NRXN1: variants seen among roughly 807,000 people sequenced by gnomAD.
The protein encoded by NRXN1 is neurexin 1.
In NRXN1, 39 loss-of-function variants were observed where a neutral mutation model predicts 150.9. The observed-to-expected ratio is 0.26, with a 90% confidence interval of 0.20 to 0.34. NRXN1 has a LOEUF of 0.34. NRXN1 is among the 10% of genes least tolerant of loss of function. The probability of loss-of-function intolerance (pLI) is 1.00; values close to 1 mark genes in which losing one functional copy is unlikely to be tolerated. For synonymous variants in NRXN1, 924 were observed against 757.0 expected (o/e 1.22, Z -3.62); for missense variants, 1,815 against 1,949.9 (o/e 0.93, Z 1.30).
intron 18 of NRXN1, among the ~76,000 whole-genome samples, chr2:50,163,365 C>T (rs1052147938): frequency 2.6e-5 from 4 of 151,940 alleles, no homozygotes; most frequent in African/African-American, 9.7e-5. Context: ...ATTAAATTAC[C>T]CGCGCAAAAC....
intron 5 of NRXN1, among the ~76,000 whole-genome samples, chr2:50,903,479 A>G (rs889030785): frequency 6.6e-6 from 1 of 152,150 alleles, no homozygotes; most frequent in Non-Finnish European, 1.5e-5. Context: ...ATTATTATAG[A>G]AGTATTCTGG....
chr2:50,755,172 T>C (rs953252869), intron 5 of NRXN1, among the ~76,000 whole-genome samples: 6 of 151,852 alleles, frequency 4.0e-5, no homozygotes, highest in African/African-American at 7.2e-5. Flanking sequence ...TAGGGGACTG[T>C]AAACTTCATT....
intron 5 of NRXN1, among the ~76,000 whole-genome samples, chr2:50,722,370 C>T (rs577852719): frequency 7.9e-5 from 12 of 151,998 alleles, no homozygotes; most frequent in African/African-American, 2.7e-4. Context: ...GAAGTAATAG[C>T]AAATTGAAAA....
intron 18 of NRXN1, among the ~76,000 whole-genome samples, chr2:50,189,749 C>T (rs534912078): frequency 1.3e-5 from 2 of 152,132 alleles, no homozygotes; most frequent in African/African-American, 4.8e-5. Context: ...GCTTAAACAC[C>T]ACTTTACTGT....
chr2:50,563,132 A>T (rs923943485), intron 8 of NRXN1, among the ~76,000 whole-genome samples: 2 of 152,214 alleles, frequency 1.3e-5, no homozygotes, highest in African/African-American at 4.8e-5. Flanking sequence ...TTGACAAAAT[A>T]AATATACATC....
At position 49,994,512 on chromosome 2, in the gene NRXN1, C is replaced by A. The variant is rs113758339; in HGVS notation, c.4129-50721G>T. Among the ~76,000 whole-genome samples, 741 of 152,194 alleles carry A rather than the reference C, an allele frequency of 4.9e-3. 7 individuals carry two copies. Among genetic ancestry groups the A allele is most frequent in the African/African-American group, 0.017 (716 of 41,528 alleles). On this transcript the variant is annotated intron_variant, in intron 21 of 22. Transcript: ENST00000401669. ...TATTGCATTCTACACCCATGGATTC[C>A]TGAAGGTTAGAGTATATTTAAACTA...
intron 5 of NRXN1, among the ~76,000 whole-genome samples, chr2:50,723,626 G>C (rs1272513108): frequency 6.6e-6 from 1 of 152,240 alleles, no homozygotes; most frequent in African/African-American, 2.4e-5. Context: ...AAGTTACCCA[G>C]AGGGCCTGGG....
Position 50,236,772 on chromosome 2 carries a change from A to G in NRXN1, c.3546+17T>C. The stretch of plus-strand genomic sequence containing the variant: ...CAGTAAAAAGTAAAAGCTGAATCTT[A>G]TGCAAAAAGTACTTACTATATGCAG... On this transcript the variant is annotated intron_variant, in intron 18 of 22. Coordinates refer to ENST00000401669, the MANE Select transcript of NRXN1 (RefSeq NM_001330078.2). 6.2e-7 allele frequency: 1 copy of G among 1,610,336 alleles called. No individual in the cohort carries two copies. The highest frequency in any genetic ancestry group is 8.5e-7 in the Non-Finnish European group (1 of 1,177,176).
At chr2:50,567,815 A>G (rs929342382) in intron 8 of NRXN1, among the ~76,000 whole-genome samples, 1 of 152,142 alleles carries the variant, frequency 6.6e-6, no homozygotes, top group African/African-American at 2.4e-5. Context: ...CTTTTATTCA[A>G]AAATAATGAC....
chr2:50,483,236 C>A (rs2104802172), intron 15 of NRXN1, among the ~76,000 whole-genome samples: 1 of 152,132 alleles, frequency 6.6e-6, no homozygotes, highest in Non-Finnish European at 1.5e-5. Flanking sequence ...GAAAGTTACC[C>A]TATATGGCTT....
At chr2:50,216,056 T>A (rs1195965483) in intron 18 of NRXN1, among the ~76,000 whole-genome samples, 3 of 151,972 alleles carry the variant, frequency 2.0e-5, no homozygotes, top group Non-Finnish European at 4.4e-5. Flanking sequence ...TCAGAAAAGT[T>A]ATTTTTAAAA....
chr2:50,843,679 T>C (rs1050383768), intron 5 of NRXN1, among the ~76,000 whole-genome samples: 1 of 152,186 alleles, frequency 6.6e-6, no homozygotes, highest in African/African-American at 2.4e-5. Flanking sequence ...AACACACATT[T>C]ACTATTTCAT....
At chr2:50,307,860 C>G (rs1485833672) in intron 17 of NRXN1, among the ~76,000 whole-genome samples, 1 of 152,174 alleles carries the variant, frequency 6.6e-6, no homozygotes, top group African/African-American at 2.4e-5. Flanking sequence ...ACAGAAATGA[C>G]AGGTTCCAGG....
At chr2:50,432,169 T>G (rs1367298890) in intron 17 of NRXN1, 1 of 152,198 alleles carries the variant, frequency 6.6e-6, no homozygotes, top group Non-Finnish European at 1.5e-5. Context: ...GAGCTCCACA[T>G]CATTCACTGC....
intron 12 of NRXN1, among the ~76,000 whole-genome samples, chr2:50,510,497 A>C (rs1177181119): frequency 6.7e-6 from 1 of 148,814 alleles, no homozygotes; most frequent in Non-Finnish European, 1.5e-5. Flanking sequence ...AAAAAAAAAA[A>C]AAAAAAAAAA....
intron 5 of NRXN1, among the ~76,000 whole-genome samples, chr2:50,859,618 G>C (rs911921605): frequency 1.1e-4 from 15 of 139,874 alleles, no homozygotes; most frequent in Admixed American, 1.4e-4. Context: ...TTTTTTTTTT[G>C]ACAGATGAAC....
chr2:50,686,884 T>C (rs1208565687), intron 5 of NRXN1, among the ~76,000 whole-genome samples: 1 of 152,230 alleles, frequency 6.6e-6, no homozygotes, highest in African/African-American at 2.4e-5. Context: ...CCAGTAGCTA[T>C]TTTGTTGAAT....
chr2:50,900,679 C>A (rs1559414593), intron 5 of NRXN1, among the ~76,000 whole-genome samples: 1 of 152,044 alleles, frequency 6.6e-6, no homozygotes, highest in East Asian at 1.9e-4. Flanking sequence ...GTGGAGGAGC[C>A]TGTAATTGAT....
intron 21 of NRXN1, among the ~76,000 whole-genome samples, chr2:49,948,020 T>A (rs922092199): frequency 2.0e-5 from 3 of 152,054 alleles, no homozygotes; most frequent in Admixed American, 2.0e-4. Flanking sequence ...ATTCTTGAGG[T>A]CTCATGTTAA....
Sources: allele counts gnomAD v4.1 joint callset (sites outside exome capture counted in the v4.1 genomes callset), GRCh38; gene constraint gnomAD v4.1.1; transcripts MANE v1.5; gene names NCBI Gene and HGNC (gene_info 2026-07-23, HGNC 2026-07-21).